Variants in ZNF611 observed in about 807,000 individuals in gnomAD.
ZNF611 encodes zinc finger protein 611.
A neutral mutation model predicts 8.9 loss-of-function variants in ZNF611; 6 were observed. That is an observed-to-expected ratio of 0.68 (90% CI 0.37 to 1.34). ZNF611 has a LOEUF of 1.34. Among genes scored for constraint, ZNF611 ranks in the 40% most tolerant of loss-of-function variants. The pLI, the probability that ZNF611 is intolerant of heterozygous loss-of-function variation, is 0.02. For missense variants in ZNF611, 874 were observed against 841.3 expected (o/e 1.04, Z -0.48); for synonymous variants, 262 against 279.7 (o/e 0.94, Z 0.63).
chr19:52,726,198 G>GA (rs1568608805), intron 3 of ZNF611, among the ~76,000 whole-genome samples: 59 of 152,072 alleles, frequency 3.9e-4, no homozygotes, highest in African/African-American at 1.4e-3. Flanking sequence ...TGCGGGACTG[G>GA]GTGCTCAGGC....
At chr19:52,719,418 G>C (rs2062339527) in intron 3 of ZNF611, among the ~76,000 whole-genome samples, 1 of 152,100 alleles carries the variant, frequency 6.6e-6, no homozygotes, top group African/African-American at 2.4e-5. Flanking sequence ...ACTGTCCTCT[G>C]GCTGAAGAGG....
chr19:52,721,348 G>T, intron 3 of ZNF611: 1 of 182,212 alleles, frequency 5.5e-6, no homozygotes, highest in Non-Finnish European at 1.1e-5. Flanking sequence ...GGTGGAGGTT[G>T]TAGCAAGCCA....
At chr19:52,713,014 CA>C (rs2062291122) in intron 5 of ZNF611, among the ~76,000 whole-genome samples, 1 of 152,062 alleles carries the variant, frequency 6.6e-6, no homozygotes, top group East Asian at 1.9e-4. Flanking sequence ...GCCAACATGG[CA>C]AAACTGCCAT....
At chr19:52,721,690 G>GGAGGGAGAGGGAGAGGCAGAGGCA (rs1484109597) in intron 3 of ZNF611, among the ~76,000 whole-genome samples, 30 of 151,498 alleles carry the variant, frequency 2.0e-4, no homozygotes, top group African/African-American at 6.8e-4. Context: ...AGGGAGAGAG[G>GGAGGGAGAGGGAGAGGCAGAGGCA]GAGGGAGAGG....
rs1008717225 is a variant in ZNF611 at position 52,703,338 on chromosome 19, G to A, written c.*1599C>T. ...ACTCTGCCACCCAGGCTGCAGTATA[G>A]TGGCACAATTTTGGTTCACTGCAAC... is the stretch of plus-strand genomic sequence containing the variant. On this transcript the variant is annotated 3_prime_UTR_variant, in exon 6 of 6. Coordinates refer to ENST00000652185, the MANE Select transcript of ZNF611 (RefSeq NM_001161499.2). The A allele has an allele frequency of 2.0e-5, 3 of 152,142 alleles. No individual in the cohort carries two copies. Among genetic ancestry groups the A allele is most frequent in the African/African-American group, 7.2e-5 (3 of 41,426 alleles). The allele number at this position is 152,142 out of a possible 1,614,324, so 9.4% of individuals were successfully genotyped here. A position where few individuals can be genotyped will look rare whatever the true frequency, so the allele number is the denominator to read the frequency against.
intron 4 of ZNF611, among the ~76,000 whole-genome samples, chr19:52,715,120 G>T (rs1420331238): frequency 6.6e-6 from 1 of 152,198 alleles, no homozygotes; most frequent in Non-Finnish European, 1.5e-5. Context: ...TAAGATACAT[G>T]TGGTGCTTCA....
intron 3 of ZNF611, among the ~76,000 whole-genome samples, chr19:52,723,196 C>G (rs1332933981): frequency 6.7e-6 from 1 of 150,088 alleles, no homozygotes; most frequent in Non-Finnish European, 1.5e-5. Flanking sequence ...TTATCCCCTT[C>G]TTCCCTCTAT....
intron 5 of ZNF611, among the ~76,000 whole-genome samples, chr19:52,709,472 C>T (rs1393059919): frequency 6.6e-6 from 1 of 152,028 alleles, no homozygotes; most frequent in Non-Finnish European, 1.5e-5. Flanking sequence ...GGGGTTTCAC[C>T]ATGTTGGCCA....
In ZNF611 at chr19:52,710,482, G is replaced by A. The variant is rs893411808; in HGVS notation, c.190+3533C>T. Among the ~76,000 whole-genome samples, 6 of 152,026 alleles carry A rather than the reference G, an allele frequency of 3.9e-5. 1 individual carries two copies. Among genetic ancestry groups the A allele is most frequent in the Admixed American group, 2.0e-4 (3 of 15,242 alleles). On this transcript the variant is annotated intron_variant, in intron 5 of 5. Transcript: ENST00000652185. ...TGACCTCAAGTGATCCACCCGTCTC[G>A]GCCTCCCAAAATATTGGGATAATAG...
At chr19:52,711,147 C>A (rs2062276863) in intron 5 of ZNF611, 1 of 151,500 alleles carries the variant, frequency 6.6e-6, no homozygotes, top group Admixed American at 6.6e-5. Flanking sequence ...GCCTGGCCAA[C>A]ATGGTGAAAC....
rs756486903 is a variant in ZNF611 at position 52,705,896 on chromosome 19, T to C, written c.1159A>G (p.Thr387Ala). 6.2e-7 allele frequency: 1 copy of C among 1,614,124 alleles called. No individual in the cohort carries two copies. The highest frequency in any genetic ancestry group is 1.1e-5 in the South Asian group (1 of 91,044). ...TCTCCAGTATGAATTCTCTTATGTG[T>C]CTCAATGGTTGATTTCCGACTGAAA... ...KVFSRKSTIE[T>A]HKRIHTGEKP... The change falls in exon 6 of 6, where the codon ACA becomes GCA. Residue 387 changes from threonine (T) to alanine (A), a missense_variant. By Grantham distance (58) the Thr-to-Ala change is moderately conservative. Coordinates refer to ENST00000652185, the MANE Select transcript of ZNF611 (RefSeq NM_001161499.2).
At chr19:52,734,593 G>A (rs1444137317) in intron 1 of ZNF611, among the ~76,000 whole-genome samples, 4 of 151,020 alleles carry the variant, frequency 2.6e-5, no homozygotes, top group Non-Finnish European at 5.9e-5. Flanking sequence ...AGGATCCCAG[G>A]ACCTGGCAGA....
In ZNF611 at chr19:52,704,556, T is replaced by C. The variant is rs2062226105; in HGVS notation, c.*381A>G. ...CTCCAGTATGAGTTCACCGATGACC[T>C]GCAATATGTGAACGATCTCTGAAAA... is the stretch of plus-strand genomic sequence containing the variant. On this transcript the variant is annotated 3_prime_UTR_variant, in exon 6 of 6. Transcript: ENST00000652185. 2 of 1,403,568 alleles carry C rather than the reference T, an allele frequency of 1.4e-6. No individual in the cohort carries two copies. Among genetic ancestry groups the C allele is most frequent in the Non-Finnish European group, 2.0e-6 (2 of 997,918 alleles). The allele number at this position is 1,403,568 out of a possible 1,614,324, so 86.9% of individuals were successfully genotyped here.
intron 3 of ZNF611, among the ~76,000 whole-genome samples, chr19:52,720,292 C>G (rs2062346550): frequency 6.6e-6 from 1 of 152,240 alleles, no homozygotes; most frequent in African/African-American, 2.4e-5. Flanking sequence ...GGTACACCTG[C>G]AGAAAGGCTG....
At chr19:52,730,741 C>T (rs1023999315) in intron 1 of ZNF611, among the ~76,000 whole-genome samples, 5 of 151,794 alleles carry the variant, frequency 3.3e-5, no homozygotes, top group African/African-American at 1.2e-4. Flanking sequence ...TGCACCATCA[C>T]ACCCAGCTAA....
intron 3 of ZNF611, among the ~76,000 whole-genome samples, chr19:52,717,885 A>G (rs928207635): frequency 6.6e-6 from 1 of 152,258 alleles, no homozygotes; most frequent in Non-Finnish European, 1.5e-5. Flanking sequence ...AAAATTATAT[A>G]TCACGTAGTA....
chr19:52,705,509 C>T lies in ZNF611; in HGVS notation c.1546G>A (p.Glu516Lys). ...CTTGATTTACGACTGAAAACCTTTT[C>T]ACATTCATCACATTTGTAAGGTTGC... ...GEQPYKCDEC[E>K]KVFSRKSSLE... is the part of the protein sequence containing the mutation. Residue 516 changes from glutamate to lysine, a missense_variant, in exon 6 of 6, where the codon GAA (glutamate) becomes AAA (lysine). By Grantham distance (56) the Glu-to-Lys change is moderately conservative. Coordinates refer to ENST00000652185, the MANE Select transcript of ZNF611 (RefSeq NM_001161499.2). The T allele has an allele frequency of 6.2e-7, 1 of 1,614,050 alleles. No individual in the cohort carries two copies. Among genetic ancestry groups the T allele is most frequent in the Non-Finnish European group, 8.5e-7 (1 of 1,180,002 alleles).
At chr19:52,734,185 AGGTTT>A (rs1303818768) in intron 1 of ZNF611, among the ~76,000 whole-genome samples, 10 of 132,676 alleles carry the variant, frequency 7.5e-5, no homozygotes, top group African/African-American at 2.8e-4. Flanking sequence ...CTGCTTTCTT[AGGTTT>A]TTTTTTTTTT....
chr19:52,732,186 C>A (rs1016826286), intron 1 of ZNF611, among the ~76,000 whole-genome samples: 5 of 151,948 alleles, frequency 3.3e-5, no homozygotes, highest in African/African-American at 1.2e-4. Flanking sequence ...AGGAGAATGG[C>A]GTGAACCCGG....
Sources: gnomAD v4.1 joint callset for allele counts (sites outside exome capture counted in the v4.1 genomes callset) on GRCh38, gnomAD v4.1.1 for gene constraint, MANE v1.5 for transcripts, NCBI Gene and HGNC (gene_info 2026-07-23, HGNC 2026-07-21) for gene names.